ZNF562: variants seen among roughly 807,000 people sequenced by gnomAD.
The protein encoded by ZNF562 is zinc finger protein 562.
A neutral mutation model predicts 17.5 loss-of-function variants in ZNF562; 13 were observed. The ratio of observed to expected loss-of-function variants is 0.74; its 90% confidence interval spans 0.48 to 1.18. The LOEUF (loss-of-function observed/expected upper bound fraction) is 1.18. Among genes scored for constraint, ZNF562 ranks in the 50% most tolerant of loss-of-function variants. ZNF562 has a pLI of 0.00. For synonymous variants in ZNF562, 163 were observed against 165.4 expected (o/e 0.99, Z 0.11); for missense variants, 481 against 498.5 (o/e 0.96, Z 0.33).
Position 9,642,859 on chromosome 19 carries a change from C to T in ZNF562, c.*10090G>A, listed in dbSNP as rs1441537834. ...TGGGCAATATAGTGAGACACAGTCT[C>T]GACCAAAAAAAAAAAAATTTAAAAA... On this transcript the variant is annotated 3_prime_UTR_variant, in exon 6 of 6. Coordinates refer to ENST00000453372, the MANE Select transcript of ZNF562 (RefSeq NM_001130031.2). 4.0e-5 allele frequency: 6 copies of T among 148,458 alleles called. No individual in the cohort carries two copies. The highest frequency in any genetic ancestry group is 1.0e-4 in the African/African-American group (4 of 40,146). The allele number at this position is 148,458 out of a possible 1,614,324, so 9.2% of individuals were successfully genotyped here. A position where few individuals can be genotyped will look rare whatever the true frequency, so the allele number is the denominator to read the frequency against.
In ZNF562 at chr19:9,642,647, G is replaced by A. The variant is rs764974221; in HGVS notation, c.*10302C>T. On this transcript the variant is annotated 3_prime_UTR_variant, in exon 6 of 6. Transcript: ENST00000453372. Reference sequence around the variant, plus strand: ...AGAGGGAAAACCCAAAATGGAATACGAACAGGAACAATCAATCTGAACTTT... The same window carrying A: ...AGAGGGAAAACCCAAAATGGAATACAAACAGGAACAATCAATCTGAACTTT... 8 of 151,824 alleles carry A rather than the reference G, an allele frequency of 5.3e-5. No individual in the cohort carries two copies. Among genetic ancestry groups the A allele is most frequent in the Non-Finnish European group, 1.0e-4 (7 of 67,966 alleles). The allele number at this position is 151,824 out of a possible 1,614,324, so 9.4% of individuals were successfully genotyped here.
chr19:9,642,676 T>G lies in ZNF562; in HGVS notation c.*10273A>C, dbSNP rs149051561. On this transcript the variant is annotated 3_prime_UTR_variant, in exon 6 of 6. Coordinates refer to ENST00000453372, the MANE Select transcript of ZNF562 (RefSeq NM_001130031.2). Reference sequence around the variant, plus strand: ...AGGAACAATCAATCTGAACTTTGTATCAAATGGGTAATAAGACTATGTAAC... The same window carrying G: ...AGGAACAATCAATCTGAACTTTGTAGCAAATGGGTAATAAGACTATGTAAC... The G allele has an allele frequency of 1.3e-5, 2 of 152,018 alleles. No homozygotes were observed. The highest frequency in any genetic ancestry group is 4.8e-5 in the African/African-American group (2 of 41,472). 9.4% of individuals were successfully genotyped at this position (152,018 alleles called of 1,614,324 possible).
At chr19:9,671,258 C>T (rs2044188287) in intron 1 of ZNF562, among the ~76,000 whole-genome samples, 1 of 151,986 alleles carries the variant, frequency 6.6e-6, no homozygotes, top group Non-Finnish European at 1.5e-5. Context: ...TATTATGAAT[C>T]AAAAAAATTT....
Position 9,653,843 on chromosome 19 carries a change from A to AT in ZNF562, c.386dup (p.Asn129LysfsTer8). ...ACTGTTCACTGAAGACCTCTCCACA[A>AT]TTCTCACAGAGTTTCCATCCACTGT... On this transcript the variant is annotated frameshift_variant, in exon 6 of 6. Transcript: ENST00000453372. LOFTEE classifies it low-confidence loss of function (END_TRUNC). The AT allele has an allele frequency of 2.5e-6, 4 of 1,599,512 alleles. No individual in the cohort carries two copies. The highest frequency in any genetic ancestry group is 3.4e-6 in the Non-Finnish European group (4 of 1,173,188).
chr19:9,643,151 C>T lies in ZNF562; in HGVS notation c.*9798G>A, dbSNP rs1037930625. On this transcript the variant is annotated 3_prime_UTR_variant, in exon 6 of 6. Coordinates refer to ENST00000453372, the MANE Select transcript of ZNF562 (RefSeq NM_001130031.2). ...CTGAATCAGGGGGGTCTCAGGAGTT[C>T]AAGACCATCCTGGCCAACATGGCAA... 11 of 151,620 alleles carry T rather than the reference C, an allele frequency of 7.3e-5. No homozygotes were observed. Among genetic ancestry groups the T allele is most frequent in the African/African-American group, 2.7e-4 (11 of 41,306 alleles). The allele number at this position is 151,620 out of a possible 1,614,324, so 9.4% of individuals were successfully genotyped here. A position where few individuals can be genotyped will look rare whatever the true frequency, so the allele number is the denominator to read the frequency against.
At chr19:9,666,090 C>T (rs554487884) in intron 1 of ZNF562, among the ~76,000 whole-genome samples, 4 of 151,530 alleles carry the variant, frequency 2.6e-5, no homozygotes, top group South Asian at 2.1e-4. Context: ...TTTGGGAGGC[C>T]GAGGTGGGTG....
intron 2 of ZNF562, among the ~76,000 whole-genome samples, chr19:9,659,668 T>C (rs962101443): frequency 4.6e-5 from 7 of 151,942 alleles, no homozygotes; most frequent in African/African-American, 1.7e-4. Flanking sequence ...CTGCCTGTTG[T>C]GTAAAGGGTA....
At chr19:9,655,086 G>T (rs1369965505) in intron 5 of ZNF562, among the ~76,000 whole-genome samples, 1 of 152,048 alleles carries the variant, frequency 6.6e-6, no homozygotes, top group African/African-American at 2.4e-5. Flanking sequence ...AAACTCCCAG[G>T]CTCAAGCCAT....
rs1421989541 is a variant in ZNF562 at position 9,642,187 on chromosome 19, A to G, written c.*10762T>C. The G allele has an allele frequency of 6.7e-6, 1 of 150,010 alleles. No homozygotes were observed. Among genetic ancestry groups the G allele is most frequent in the Non-Finnish European group, 1.5e-5 (1 of 67,566 alleles). 9.3% of individuals were successfully genotyped at this position (150,010 alleles called of 1,614,324 possible). ...GCAGGGGAATATCACAAAGTACATT[A>G]TCACAAGGGCGGGGGGATGTCACAA... On this transcript the variant is annotated 3_prime_UTR_variant, in exon 6 of 6. Transcript: ENST00000453372.
intron 1 of ZNF562, among the ~76,000 whole-genome samples, chr19:9,667,511 G>T (rs2043993937): frequency 6.6e-6 from 1 of 152,058 alleles, no homozygotes; most frequent in Admixed American, 6.6e-5. Context: ...TATAAGTTCT[G>T]GCCAGAGCAA....
intron 1 of ZNF562, among the ~76,000 whole-genome samples, chr19:9,662,366 G>T (rs1279423799): frequency 5.3e-5 from 8 of 151,978 alleles, no homozygotes; most frequent in Non-Finnish European, 8.8e-5. Flanking sequence ...CTGAGGTCAG[G>T]AGTTCAAGAC....
intron 2 of ZNF562, among the ~76,000 whole-genome samples, chr19:9,660,052 G>C (rs62105693): frequency 8.4e-6 from 1 of 118,936 alleles, no homozygotes; most frequent in Non-Finnish European, 1.6e-5. Flanking sequence ...TCATGCAACT[G>C]CACTTCAGCC....
chr19:9,659,885 C>T (rs2043658038), intron 2 of ZNF562, among the ~76,000 whole-genome samples: 1 of 123,316 alleles, frequency 8.1e-6, no homozygotes, highest in African/African-American at 3.0e-5. Context: ...CGAGGTCAGG[C>T]ATTCAAGACC....
chr19:9,660,142 G>A (rs187337240), intron 2 of ZNF562, among the ~76,000 whole-genome samples: 1 of 146,704 alleles, frequency 6.8e-6, no homozygotes, highest in Admixed American at 6.9e-5. Context: ...GCATGCTTGT[G>A]ATCCCAGCTA....
At position 9,652,951 on chromosome 19, in the gene ZNF562, A is replaced by T. The variant is rs747843481; in HGVS notation, c.1279T>A (p.Ter427LysextTer27). 6.7e-7 allele frequency: 1 copy of T among 1,485,126 alleles called. No homozygotes were observed. Among genetic ancestry groups the T allele is most frequent in the African/African-American group, 1.4e-5 (1 of 71,310 alleles). The allele number at this position is 1,485,126 out of a possible 1,614,324, so 92.0% of individuals were successfully genotyped here. ...ATTCTTTCCCACATATCTTGCATTT[A>T]CCTTTCTCCACTGTGAGTTTTCAAA... ...KHLKTHSGER[*>K] The change falls in exon 6 of 6, where the codon TAA (stop) becomes AAA (lysine). Residue 427 changes from the stop codon to lysine (K), a stop_lost. Transcript: ENST00000453372.
At chr19:9,670,073 GAAAC>G (rs2044128382) in intron 1 of ZNF562, among the ~76,000 whole-genome samples, 4 of 151,652 alleles carry the variant, frequency 2.6e-5, no homozygotes, top group Admixed American at 1.3e-4. Flanking sequence ...AAAAATCAAA[GAAAC>G]AAACAAAAAA....
chr19:9,663,409 CA>C (rs548857529), intron 1 of ZNF562, among the ~76,000 whole-genome samples: 36,954 of 100,218 alleles, frequency 0.37, 6,527 homozygotes, highest in African/African-American at 0.59. Flanking sequence ...GACTCCATCT[CA>C]AAAAAAAAAA....
intron 1 of ZNF562, among the ~76,000 whole-genome samples, chr19:9,672,777 C>CT (rs869261585): frequency 0.034 from 3,760 of 112,196 alleles, 206 homozygotes; most frequent in African/African-American, 0.11. Context: ...TATTGCCTTT[C>CT]TTTTTTTTTT....
intron 5 of ZNF562, among the ~76,000 whole-genome samples, chr19:9,654,924 C>G (rs1289483626): frequency 2.6e-5 from 4 of 152,050 alleles, no homozygotes; most frequent in Non-Finnish European, 5.9e-5. Flanking sequence ...CATTTCCTAC[C>G]CTCTTGATCT....
Sources: allele counts gnomAD v4.1 joint callset (sites outside exome capture counted in the v4.1 genomes callset), GRCh38; gene constraint gnomAD v4.1.1; transcripts MANE v1.5; gene names NCBI Gene and HGNC (gene_info 2026-07-23, HGNC 2026-07-21).